Variants in BYSL observed in about 807,000 individuals in gnomAD.
BYSL encodes bystin.
BYSL carries 21 observed loss-of-function variants against 45.4 expected under a neutral mutation model. The ratio of observed to expected loss-of-function variants is 0.46; its 90% CI spans 0.33 to 0.67. The LOEUF (loss-of-function observed/expected upper bound fraction) is 0.67, where lower values mean the gene tolerates loss of function less well. BYSL is among the 30% of genes least tolerant of loss of function. BYSL has a pLI of 0.02. For synonymous variants in BYSL, 215 were observed against 231.3 expected (o/e 0.93, Z 0.64); for missense variants, 522 against 578.5 (o/e 0.90, Z 1.00).
the BYSL span, among the ~76,000 whole-genome samples, chr6:41,913,349 T>C: frequency 6.6e-6 from 1 of 152,172 alleles, no homozygotes. Context: ...CTGCCTGCCA[T>C]GAAGGCGTGC....
At chr6:41,921,377 A>C (rs1775462813), upstream of BYSL, 3 of 762,450 alleles carry the variant, frequency 3.9e-6, no homozygotes, top group Admixed American at 9.2e-5. Context: ...TCGGGAGTCC[A>C]GCTCCGGAAC....
Position 41,921,799 on chromosome 6 carries a change from C to T in BYSL, c.237C>T (p.Pro79=), listed in dbSNP as rs551979157. 7 of 1,611,744 alleles carry T rather than the reference C, an allele frequency of 4.3e-6. No individual in the cohort carries two copies. In the East Asian group the frequency reaches 1.1e-4, roughly 26 times the overall value. Residue 79 remains proline, a synonymous_variant, in exon 1 of 7, where the codon CCC becomes CCT. Coordinates refer to ENST00000230340, the MANE Select transcript of BYSL (RefSeq NM_004053.4). ...CCGAGCATGGGACTGGGGACAAGCC[C>T]GCGGCGCCGCGGGAACGCACCACGC... The part of the protein sequence containing the change: ...LEAEHGTGDK[P]AAPRERTTRL...
At chr6:41,917,075 A>C, upstream of BYSL, 2 of 872,330 alleles carry the variant, frequency 2.3e-6, no homozygotes, top group Non-Finnish European at 3.3e-6. Flanking sequence ...CCGTCTCCCA[A>C]TCCCTGCAAC....
At chr6:41,924,820 T>G (rs1775540999) in intron 1 of BYSL, among the ~76,000 whole-genome samples, 1 of 152,176 alleles carries the variant, frequency 6.6e-6, no homozygotes, top group Non-Finnish European at 1.5e-5. Flanking sequence ...AGTGGGCGAC[T>G]GTTGAATAAA....
At chr6:41,908,765 G>A in the BYSL span, among the ~76,000 whole-genome samples, 5 of 152,028 alleles carry the variant, frequency 3.3e-5, no homozygotes, top group African/African-American at 2.4e-5. Flanking sequence ...CCAGCTTCCC[G>A]CTTCCTACTT....
upstream of BYSL, chr6:41,921,140 G>GA (rs1775456652): frequency 2.2e-5 from 29 of 1,339,988 alleles, no homozygotes; most frequent in Non-Finnish European, 2.8e-5. Flanking sequence ...CCGGAAATAC[G>GA]TAAAAACAGA....
intron 2 of BYSL, among the ~76,000 whole-genome samples, chr6:41,929,888 A>G (rs1173807572): frequency 6.6e-6 from 1 of 152,250 alleles, no homozygotes; most frequent in East Asian, 1.9e-4. Flanking sequence ...GAGGTTCATA[A>G]TAACCTCCGT....
At chr6:41,927,782 C>A in intron 2 of BYSL, 3 of 454,644 alleles carry the variant, frequency 6.6e-6, no homozygotes, top group Middle Eastern at 6.1e-4. Context: ...GGAAACAGTT[C>A]CAGGCCCCTT....
At chr6:41,909,206 T>A in the BYSL span, 1 of 1,549,776 alleles carries the variant, frequency 6.5e-7, no homozygotes, top group South Asian at 1.2e-5. Flanking sequence ...TGGAAAATCT[T>A]CAGAGCCCTT....
chr6:41,923,550 C>A (rs1013675661), intron 1 of BYSL, among the ~76,000 whole-genome samples: 4 of 152,208 alleles, frequency 2.6e-5, no homozygotes, highest in African/African-American at 9.6e-5. Context: ...TCCACCTCTG[C>A]CTCCCAAAAT....
rs543663679 is a variant in BYSL at position 41,930,827 on chromosome 6, G to A, written c.704+59G>A. 87 of 1,553,646 alleles carry A rather than the reference G, an allele frequency of 5.6e-5. No homozygotes were observed. The East Asian group carries it at 9.0e-4, about 16-fold the overall frequency. On this transcript the variant is annotated intron_variant, in intron 4 of 6. Transcript: ENST00000230340. ...TATAGGTGCAGGCTGAGTTTGGGACGGACAGGCTTTCCTTGCCTCTGGCCC... is the reference window on the plus strand; with the variant it reads ...TATAGGTGCAGGCTGAGTTTGGGACAGACAGGCTTTCCTTGCCTCTGGCCC...
chr6:41,930,441 A>G, intron 3 of BYSL, 171 bp downstream of exon 3: 17 of 1,222,062 alleles, frequency 1.4e-5, no homozygotes, highest in Non-Finnish European at 1.9e-5. Context: ...CCTGTAAATG[A>G]CTTGGCATCC....
In BYSL at chr6:41,932,895, C is replaced by A; in HGVS notation, c.*189C>A. 1.5e-6 allele frequency: 1 copy of A among 645,840 alleles called. No individual in the cohort carries two copies. The highest frequency in any genetic ancestry group is 2.6e-6 in the Non-Finnish European group (1 of 382,774). The allele number at this position is 645,840 out of a possible 1,614,324, so 40.0% of individuals were successfully genotyped here. A position where few individuals can be genotyped will look rare whatever the true frequency, so the allele number is the denominator to read the frequency against. On this transcript the variant is annotated 3_prime_UTR_variant, in exon 7 of 7. Coordinates refer to ENST00000230340, the MANE Select transcript of BYSL (RefSeq NM_004053.4). This position sits in a 1 kb window ranked among gnomAD's most constrained non-coding sequence, Gnocchi z 4.7. ...GGTCTGGCTGGTTCCCTCTTCCATT[C>A]TAGGCCCTTATCCCTGTTTAGTTCT...
chr6:41,925,353 G>A (rs919449292), intron 1 of BYSL, among the ~76,000 whole-genome samples: 1 of 151,798 alleles, frequency 6.6e-6, no homozygotes, highest in African/African-American at 2.4e-5. Flanking sequence ...TTATTTAAAT[G>A]GACTAACTTC....
the BYSL span, among the ~76,000 whole-genome samples, chr6:41,913,825 G>C: frequency 6.6e-6 from 1 of 152,144 alleles, no homozygotes; most frequent in African/African-American, 2.4e-5. Context: ...TTGAACTTGG[G>C]AGGTGGAGGT....
At chr6:41,916,836 A>C (rs1185278503), upstream of BYSL, 1 of 1,614,088 alleles carries the variant, frequency 6.2e-7, no homozygotes, top group South Asian at 1.1e-5. Context: ...CAGTCCACAC[A>C]AAATGTTCCT....
chr6:41,921,116 T>A, upstream of BYSL: 5 of 1,481,892 alleles, frequency 3.4e-6, no homozygotes, highest in South Asian at 1.2e-5. Context: ...CAACCTTCTG[T>A]CTCAGAAGGG....
chr6:41,930,393 C>A, intron 3 of BYSL, 123 bp downstream of exon 3: 1 of 1,366,884 alleles, frequency 7.3e-7, no homozygotes, highest in Non-Finnish European at 9.8e-7. Flanking sequence ...GAAAACAGAC[C>A]TAAGAGGCAG....
Position 41,932,644 on chromosome 6 carries a change from A to G in BYSL, c.1252A>G (p.Arg418Gly), listed in dbSNP as rs1275719929. 6.2e-7 allele frequency: 1 copy of G among 1,614,218 alleles called. No individual in the cohort carries two copies. Among genetic ancestry groups the G allele is most frequent in the South Asian group, 1.1e-5 (1 of 91,086 alleles). The stretch of plus-strand genomic sequence containing the variant: ...CCATCCACAGCTATCGCCCGAAATC[A>G]GGCGTGAGCTTCAGAGTGCAGTCCC... The part of the protein sequence containing the change: ...QPHPQLSPEI[R>G]RELQSAVPRD... The change falls in exon 7 of 7, where the codon AGG becomes GGG. Residue 418 changes from arginine (R) to glycine (G), a missense_variant. Transcript: ENST00000230340. This position sits in a 1 kb window ranked among gnomAD's most constrained non-coding sequence, Gnocchi z 4.7.
Sources: allele counts gnomAD v4.1 joint callset (sites outside exome capture counted in the v4.1 genomes callset), GRCh38; gene constraint gnomAD v4.1.1; non-coding constraint Gnocchi (gnomAD v3.1); transcripts MANE v1.5; gene names NCBI Gene and HGNC (gene_info 2026-07-23, HGNC 2026-07-21).